Variants in COL21A1 observed in about 807,000 individuals in gnomAD.
The protein encoded by COL21A1 is collagen alpha-1(XXI) chain.
Under a neutral mutation model 137.9 loss-of-function variants are expected in COL21A1, and 149 were observed. That is an observed-to-expected ratio of 1.08 (90% confidence interval 0.95 to 1.24). COL21A1 has a LOEUF of 1.24. Among genes scored for constraint, COL21A1 ranks in the 50% most tolerant of loss-of-function variants. The pLI, the probability that COL21A1 is intolerant of heterozygous loss-of-function variation, is 0.00. For missense variants in COL21A1, 1,167 were observed against 1,158.4 expected (o/e 1.01, Z -0.11); for synonymous variants, 456 against 391.5 (o/e 1.16, Z -1.95).
At chr6:56,200,165 A>G (rs1047101305) in intron 1 of COL21A1, among the ~76,000 whole-genome samples, 6 of 152,176 alleles carry the variant, frequency 3.9e-5, no homozygotes, top group African/African-American at 1.4e-4. Flanking sequence ...TGAGTCATGC[A>G]TGTGGGAGCA....
intron 12 of COL21A1, among the ~76,000 whole-genome samples, chr6:56,136,551 C>T (rs1314677352): frequency 6.6e-6 from 1 of 152,132 alleles, no homozygotes; most frequent in Non-Finnish European, 1.5e-5. Context: ...CCTTTCATGG[C>T]TGATGAATAT....
chr6:56,060,912 G>T lies in COL21A1; in HGVS notation c.2331C>A (p.Pro777=). 6.3e-7 allele frequency: 1 copy of T among 1,576,412 alleles called. No individual in the cohort carries two copies. Among genetic ancestry groups the T allele is most frequent in the Non-Finnish European group, 8.6e-7 (1 of 1,167,302 alleles). The change falls in exon 26 of 30, where the codon CCC becomes CCA. Residue 777 remains proline, a synonymous_variant. Coordinates refer to ENST00000244728, the MANE Select transcript of COL21A1 (RefSeq NM_030820.4). ...ATACGGGCTTCCCATCCAAACCTGGGGGTCCCTGAGGACCTGGATCCCCAG... is the reference window on the plus strand; with the variant it reads ...ATACGGGCTTCCCATCCAAACCTGGTGGTCCCTGAGGACCTGGATCCCCAG... ...GQPGDPGPQG[P]PGLDGKPGRE... is the part of the protein sequence containing the mutation.
Position 56,281,820 on chromosome 6 carries a change from T to A in COL21A1, c.-38-99164A>T, listed in dbSNP as rs79407504. On this transcript the variant is annotated intron_variant, in intron 1 of 28. Coordinates refer to the COL21A1 transcript ENST00000370819. ...GAGTACAGGCATATATTAGATGGCA[T>A]CTGGTCACAAGAGATAAAGCCTATA... is the stretch of plus-strand genomic sequence containing the variant. 7.3e-3 allele frequency among the ~76,000 whole-genome samples: 1,112 copies of A among 152,272 alleles called. 17 individuals are homozygous for A. Among genetic ancestry groups the A allele is most frequent in the African/African-American group, 0.025 (1,028 of 41,560 alleles).
chr6:56,101,735 A>G (rs1177342438), intron 16 of COL21A1, among the ~76,000 whole-genome samples: 1 of 148,864 alleles, frequency 6.7e-6, no homozygotes, highest in African/African-American at 2.5e-5. Flanking sequence ...AAATGTGTAC[A>G]TAATGGCAGA....
intron 17 of COL21A1, among the ~76,000 whole-genome samples, chr6:56,088,874 C>T (rs1445505210): frequency 6.6e-6 from 1 of 152,100 alleles, no homozygotes; most frequent in African/African-American, 2.4e-5. Context: ...GGGGCCTCGA[C>T]CTCCCAGGCT....
intron 1 of COL21A1, among the ~76,000 whole-genome samples, chr6:56,324,923 G>A (rs907233411): frequency 6.6e-6 from 1 of 151,978 alleles, no homozygotes; most frequent in South Asian, 2.1e-4. Context: ...TATGAAAGAT[G>A]CCTTCCTATA....
chr6:56,085,436 C>T lies in COL21A1; in HGVS notation c.1813-7863G>A, dbSNP rs181589835. 1.1e-3 allele frequency among the ~76,000 whole-genome samples: 163 copies of T among 152,002 alleles called. 2 individuals are homozygous for T. The highest frequency in any genetic ancestry group is 3.7e-3 in the African/African-American group (155 of 41,476). ...ATAAATAAGCAAAGGAAACCGAACC[C>T]ATTTGGAAATATAATTTCATATTAT... On this transcript the variant is annotated intron_variant, in intron 17 of 29. Transcript: ENST00000244728.
At chr6:56,340,186 T>A (rs1765434083) in intron 1 of COL21A1, among the ~76,000 whole-genome samples, 2 of 152,184 alleles carry the variant, frequency 1.3e-5, no homozygotes, top group Admixed American at 1.3e-4. Context: ...ACCTCACCCC[T>A]CCCGCTTCAG....
Position 56,168,181 on chromosome 6 carries a change from G to T in COL21A1, c.1143C>A (p.Ile381=), listed in dbSNP as rs1284822102. The T allele has an allele frequency of 1.9e-6, 3 of 1,553,376 alleles. No homozygotes were observed. In the South Asian group the frequency reaches 3.7e-5, roughly 19 times the overall value. The change falls in exon 6 of 30, where the codon ATC becomes ATA. Residue 381 remains isoleucine, a synonymous_variant. Transcript: ENST00000244728. ...CAATTTGGGTTTGCCCATTGATCAA[G>T]ATCCCTAAAACTGGATGTAAGGGCT... ...ENKPLHPVLG[I]LINGQTQIGK... is the part of the protein sequence containing the mutation.
chr6:56,378,041 C>A (rs1283122002), intron 1 of COL21A1, among the ~76,000 whole-genome samples: 1 of 152,198 alleles, frequency 6.6e-6, no homozygotes, highest in East Asian at 1.9e-4. Flanking sequence ...AACTAAAGAG[C>A]CCTTGGGCCC....
chr6:56,321,292 T>G (rs1248729661), intron 1 of COL21A1, among the ~76,000 whole-genome samples: 1 of 152,162 alleles, frequency 6.6e-6, no homozygotes. Context: ...CAAACAAAGG[T>G]GTGCTTGTTG....
chr6:56,279,380 A>G (rs1333682808), intron 1 of COL21A1, among the ~76,000 whole-genome samples: 1 of 152,200 alleles, frequency 6.6e-6, no homozygotes, highest in Non-Finnish European at 1.5e-5. Context: ...ATTTACAGCA[A>G]TGTGAGAACT....
At chr6:56,177,221 G>A (rs895968423) in intron 3 of COL21A1, among the ~76,000 whole-genome samples, 1 of 152,080 alleles carries the variant, frequency 6.6e-6, no homozygotes, top group Non-Finnish European at 1.5e-5. Context: ...AACTCTTCCA[G>A]AGAAATAATA....
At chr6:56,178,321 A>G (rs2152279420) in intron 3 of COL21A1, among the ~76,000 whole-genome samples, 1 of 152,286 alleles carries the variant, frequency 6.6e-6, no homozygotes, top group South Asian at 2.1e-4. Context: ...TCTAACTACT[A>G]GAGATTCATA....
chr6:56,136,003 C>T (rs1773971478), intron 12 of COL21A1, among the ~76,000 whole-genome samples: 1 of 152,126 alleles, frequency 6.6e-6, no homozygotes, highest in Non-Finnish European at 1.5e-5. Flanking sequence ...TATCCAGATT[C>T]CTCTCCACTC....
intron 1 of COL21A1, among the ~76,000 whole-genome samples, chr6:56,234,619 C>T (rs531072070): frequency 6.6e-5 from 10 of 151,504 alleles, no homozygotes; most frequent in South Asian, 6.2e-4. Context: ...TTCTAAAATA[C>T]AAAAAATTTG....
rs114811605 is a variant in COL21A1, at chr6:56,353,803, C to T, written c.-39+40168G>A. 3.6e-3 allele frequency among the ~76,000 whole-genome samples: 541 copies of T among 152,096 alleles called. 3 individuals carry two copies. Among genetic ancestry groups the T allele is most frequent in the African/African-American group, 0.012 (518 of 41,510 alleles). ...AAACAAAAAGGACAAACAAAACAAA[C>T]ATGCTACAGGGAACAGAAGAATACT... On this transcript the variant is annotated intron_variant, in intron 1 of 28. Transcript: ENST00000370819.
At position 56,179,783 on chromosome 6, in the gene COL21A1, G is replaced by A; in HGVS notation, c.435C>T (p.Gly145=). The A allele has an allele frequency of 6.2e-7, 1 of 1,613,782 alleles. No individual in the cohort carries two copies. Among genetic ancestry groups the A allele is most frequent in the Non-Finnish European group, 8.5e-7 (1 of 1,179,766 alleles). ...CATCCTTGACGTCATCTTGGGATTT[G>A]CCATCCGTAAGTACCACTGCTATCT... is the stretch of plus-strand genomic sequence containing the variant. ...LTKIAVVLTD[G]KSQDDVKDAA... is the part of the protein sequence containing the mutation. Residue 145 remains glycine (G), a synonymous_variant, in exon 3 of 30, where the codon GGC becomes GGT. Coordinates refer to ENST00000244728, the MANE Select transcript of COL21A1 (RefSeq NM_030820.4).
chr6:56,130,327 TGA>T (rs1413549906), intron 12 of COL21A1, among the ~76,000 whole-genome samples: 1 of 151,092 alleles, frequency 6.6e-6, no homozygotes, highest in Non-Finnish European at 1.5e-5. Context: ...GGCAGAGTTC[TGA>T]GAGAGAGAAA....
Sources: allele counts gnomAD v4.1 joint callset (sites outside exome capture counted in the v4.1 genomes callset), GRCh38; gene constraint gnomAD v4.1.1; transcripts MANE v1.5; gene names NCBI Gene and HGNC (gene_info 2026-07-23, HGNC 2026-07-21).